Variants in PIAS1 observed in about 807,000 individuals in gnomAD.
PIAS1 encodes the protein E3 SUMO-protein ligase PIAS1.
A neutral mutation model predicts 71.3 loss-of-function variants in PIAS1; 6 were observed. That is an observed-to-expected ratio of 0.08 (90% CI 0.05 to 0.17). The LOEUF (loss-of-function observed/expected upper bound fraction) is 0.17, where lower values mean the gene tolerates loss of function less well. Ranked by LOEUF, PIAS1 falls within the 10% of genes least tolerant of loss-of-function variation. PIAS1 has a pLI of 1.00. For missense variants in PIAS1, 555 were observed against 793.6 expected, an observed-to-expected ratio of 0.70 and a Z score of 3.61; for synonymous variants, 303 against 292.9, an observed-to-expected ratio of 1.03 and a Z score of -0.35.
intron 2 of PIAS1, among the ~76,000 whole-genome samples, chr15:68,095,638 C>T (rs1426302627): frequency 6.7e-6 from 1 of 150,338 alleles, no homozygotes; most frequent in Non-Finnish European, 1.5e-5. Flanking sequence ...TCAAGCAATT[C>T]TCCTGCCTCA....
At chr15:68,070,815 C>A (rs1459995933) in intron 1 of PIAS1, among the ~76,000 whole-genome samples, 1 of 152,016 alleles carries the variant, frequency 6.6e-6, no homozygotes, top group Non-Finnish European at 1.5e-5. Flanking sequence ...GAGATGTGGC[C>A]TCACTATGTT....
intron 6 of PIAS1, among the ~76,000 whole-genome samples, chr15:68,150,067 A>G (rs1202705861): frequency 2.6e-5 from 4 of 151,910 alleles, no homozygotes; most frequent in Admixed American, 6.6e-5. Context: ...GACATCTCTC[A>G]GGGTTATATT....
intron 13 of PIAS1, 22 bp downstream of exon 13, chr15:68,183,689 A>G (rs376629792): frequency 6.5e-5 from 59 of 903,948 alleles, no homozygotes; most frequent in African/African-American, 5.0e-5. Flanking sequence ...AAAATTTACT[A>G]TTATTTTAAT....
In PIAS1 at chr15:68,191,874, G is replaced by T. The variant is rs1595806028; in HGVS notation, c.*4039G>T. ...ATAGGATCTTAGACTCTGGACCACTGAATCCCTTAATGAGCAGGGAGTCCG... is the reference window on the plus strand; with the variant it reads ...ATAGGATCTTAGACTCTGGACCACTTAATCCCTTAATGAGCAGGGAGTCCG... On this transcript the variant is annotated 3_prime_UTR_variant, in exon 14 of 14. Transcript: ENST00000249636. 1 of 152,308 alleles carries T rather than the reference G, an allele frequency of 6.6e-6. No homozygotes were observed. The highest frequency in any genetic ancestry group is 1.9e-4 in the East Asian group (1 of 5,190). The allele number at this position is 152,308 out of a possible 1,614,324, so 9.4% of individuals were successfully genotyped here.
intron 4 of PIAS1, among the ~76,000 whole-genome samples, chr15:68,143,958 T>G (rs1389106320): frequency 5.3e-5 from 8 of 152,126 alleles, no homozygotes; most frequent in Admixed American, 2.6e-4. Flanking sequence ...AAAGATCTAG[T>G]TACTAAGTAT....
At chr15:68,059,171 A>AT in intron 1 of PIAS1, among the ~76,000 whole-genome samples, 1 of 151,596 alleles carries the variant, frequency 6.6e-6, no homozygotes, top group South Asian at 2.1e-4. Context: ...CGCCCCGCTA[A>AT]TTTTTTTGTA....
chr15:68,106,847 C>T (rs570910345), intron 2 of PIAS1, among the ~76,000 whole-genome samples: 2 of 152,306 alleles, frequency 1.3e-5, no homozygotes, highest in East Asian at 3.9e-4. Context: ...TACTTAAATA[C>T]AGCACAGCAA....
In PIAS1 at chr15:68,140,352, C is replaced by G. The variant is rs140847138; in HGVS notation, c.470-1594C>G. Among the ~76,000 whole-genome samples the G allele has an allele frequency of 1.6e-3, 237 of 152,296 alleles. 1 individual carries two copies. The highest frequency in any genetic ancestry group is 4.9e-3 in the African/African-American group (203 of 41,570). On this transcript the variant is annotated intron_variant, in intron 2 of 13. Transcript: ENST00000249636. The stretch of plus-strand genomic sequence containing the variant: ...AACGATTTAAATTAGGCTAAGTCTA[C>G]TGGACTAAAATCTTGATAGAGATAC...
intron 7 of PIAS1, among the ~76,000 whole-genome samples, chr15:68,157,727 T>A (rs1046890533): frequency 6.6e-6 from 1 of 152,130 alleles, no homozygotes; most frequent in Admixed American, 6.5e-5. Flanking sequence ...TTGGGTGCAC[T>A]TTTCTACGCA....
rs377370584 is a variant in PIAS1 at position 68,110,753 on chromosome 15, G to A, written c.469+24003G>A. 3.9e-4 allele frequency among the ~76,000 whole-genome samples: 60 copies of A among 152,122 alleles called. 1 individual carries two copies. The highest frequency in any genetic ancestry group is 3.3e-3 in the East Asian group (17 of 5,182). On this transcript the variant is annotated intron_variant, in intron 2 of 13. Transcript: ENST00000249636. ...GACCCTGTCTCCAGAAAAAAAAAAG[G>A]TATTTATTCTCAATAAATTCTATGT...
intron 1 of PIAS1, among the ~76,000 whole-genome samples, chr15:68,085,933 A>T (rs1365764154): frequency 1.3e-5 from 2 of 152,324 alleles, no homozygotes; most frequent in African/African-American, 4.8e-5. Flanking sequence ...TCTTGAGAGC[A>T]CATCATTACG....
chr15:68,096,614 A>C (rs1272610265), intron 2 of PIAS1, among the ~76,000 whole-genome samples: 1 of 151,818 alleles, frequency 6.6e-6, no homozygotes, highest in Non-Finnish European at 1.5e-5. Context: ...TGTAGTTTTC[A>C]GTGTACATGT....
chr15:68,130,196 A>G (rs2141030628), intron 2 of PIAS1, among the ~76,000 whole-genome samples: 1 of 152,056 alleles, frequency 6.6e-6, no homozygotes, highest in Admixed American at 6.5e-5. Context: ...AAAAATAGGA[A>G]AAAAGGTGGA....
intron 2 of PIAS1, among the ~76,000 whole-genome samples, chr15:68,102,268 T>G (rs944071587): frequency 6.6e-6 from 1 of 152,234 alleles, no homozygotes; most frequent in African/African-American, 2.4e-5. Context: ...TCATTGTCTG[T>G]ACCTATGTGG....
In PIAS1 at chr15:68,185,185, T is replaced by C. The variant is rs1223037507; in HGVS notation, c.1662+1518T>C. 1.3e-5 allele frequency among the ~76,000 whole-genome samples: 2 copies of C among 152,194 alleles called. No homozygotes were observed. Among genetic ancestry groups the C allele is most frequent in the Non-Finnish European group, 2.9e-5 (2 of 68,026 alleles). On this transcript the variant is annotated intron_variant, in intron 13 of 13. Transcript: ENST00000249636. The surrounding 1 kb of genome is among the most constrained non-coding windows in gnomAD (Gnocchi z 4.4). ...GAGTTGTAGCAGTTTTTAAGGCCTA[T>C]TAAAAGATCCTAAGGAGGATCTTTG...
At chr15:68,177,252 C>A (rs1302386938) in intron 11 of PIAS1, among the ~76,000 whole-genome samples, 1 of 129,950 alleles carries the variant, frequency 7.7e-6, no homozygotes, top group Non-Finnish European at 1.5e-5. Flanking sequence ...GCACTCCAGC[C>A]TGGGCAACAG....
chr15:68,057,609 C>G (rs1040647965), intron 1 of PIAS1: 1 of 320,720 alleles, frequency 3.1e-6, no homozygotes, highest in African/African-American at 2.3e-5. Flanking sequence ...TATTTTCTGC[C>G]TCTTTATTTT....
At chr15:68,182,441 TG>T (rs2093059574) in intron 12 of PIAS1, among the ~76,000 whole-genome samples, 1 of 147,818 alleles carries the variant, frequency 6.8e-6, no homozygotes, top group Non-Finnish European at 1.5e-5. Flanking sequence ...TGTGTGTGTG[TG>T]TGTGTGTGTG....
intron 1 of PIAS1, among the ~76,000 whole-genome samples, chr15:68,075,075 TTTC>T (rs2092144058): frequency 7.4e-6 from 1 of 135,250 alleles, no homozygotes; most frequent in African/African-American, 3.1e-5. Context: ...TCTTTCTTTC[TTTC>T]TTTTTTTTTT....
Sources: gnomAD v4.1 joint callset for allele counts (sites outside exome capture counted in the v4.1 genomes callset) on GRCh38, gnomAD v4.1.1 for gene constraint, Gnocchi (gnomAD v3.1) non-coding constraint, MANE v1.5 for transcripts, NCBI Gene and HGNC (gene_info 2026-07-23, HGNC 2026-07-21) for gene names.